The following HVCN1 variants were observed in gnomAD, a reference collection of about 807,000 sequenced individuals.
HVCN1 encodes voltage-gated hydrogen channel 1.
HVCN1 carries 14 observed loss-of-function variants against 29.2 expected under a neutral mutation model. The observed-to-expected ratio is 0.48, with a 90% CI of 0.32 to 0.75. The LOEUF (loss-of-function observed/expected upper bound fraction) is 0.75, where lower values mean the gene tolerates loss of function less well. HVCN1 is among the 30% of genes least tolerant of loss of function. The pLI, the probability that HVCN1 is intolerant of heterozygous loss-of-function variation, is 0.04. For synonymous variants in HVCN1, 131 were observed against 133.2 expected (o/e 0.98, Z 0.11); for missense variants, 263 against 341.8 (o/e 0.77, Z 1.82).
In HVCN1 at chr12:110,661,438, C is replaced by A. The variant is rs760337938; in HGVS notation, c.32G>T (p.Arg11Leu). ...CTCAGCGGGAGCCACCTTGGCCCTG[C>A]GGGTGACTGCCTAGAAGGCGGGGAC... MATWDEKAVT[R>L]RAKVAPAERM... Residue 11 changes from arginine to leucine, a missense_variant, in exon 4 of 8, where the codon CGC becomes CTC. This residue lies in a region of HVCN1 where 157 missense variants were observed against 181.3 expected (regional missense o/e 0.87). Transcript: ENST00000242607. This position sits in a 1 kb window ranked among gnomAD's most constrained non-coding sequence, Gnocchi z 6.2. 3 of 1,613,722 alleles carry A rather than the reference C, an allele frequency of 1.9e-6. No individual in the cohort carries two copies. The highest frequency in any genetic ancestry group is 2.7e-5 in the African/African-American group (2 of 74,934).
chr12:110,668,242 C>T (rs2068439448), intron 3 of HVCN1, among the ~76,000 whole-genome samples: 2 of 152,336 alleles, frequency 1.3e-5, no homozygotes, highest in Admixed American at 6.5e-5. Flanking sequence ...TGACTCACAT[C>T]TGCAATCCCA....
intron 5 of HVCN1, among the ~76,000 whole-genome samples, chr12:110,652,184 C>T (rs965773727): frequency 6.6e-6 from 1 of 152,096 alleles, no homozygotes; most frequent in African/African-American, 2.4e-5. Context: ...ACCTGAGGCC[C>T]GGAGTTTGAG....
rs934972701 is a variant in HVCN1 at position 110,651,109 on chromosome 12, C to T, written c.643+108G>A. ...GGGGGCAGAGGGGAGGCCTCCATAACAGGAGCCACTGTGAGCTCAGGCACC... is the reference window on the plus strand; with the variant it reads ...GGGGGCAGAGGGGAGGCCTCCATAATAGGAGCCACTGTGAGCTCAGGCACC... On this transcript the variant is annotated intron_variant, in intron 6 of 7. Coordinates refer to ENST00000242607, the MANE Select transcript of HVCN1 (RefSeq NM_032369.4). The T allele has an allele frequency of 9.3e-6, 7 of 755,458 alleles. No homozygotes were observed. In the East Asian group the frequency reaches 1.6e-4, roughly 17 times the overall value. 46.8% of individuals were successfully genotyped at this position (755,458 alleles called of 1,614,324 possible).
At position 110,676,451 on chromosome 12, in the gene HVCN1, C is replaced by T. The variant is rs2068754184; in HGVS notation, c.21+6774G>A. On this transcript the variant is annotated intron_variant, in intron 3 of 7. Coordinates refer to ENST00000242607, the MANE Select transcript of HVCN1 (RefSeq NM_032369.4). The surrounding 1 kb of genome is among the most constrained non-coding windows in gnomAD (Gnocchi z 4.1). ...TGGGAATTTGGACTTCTGGAAAATT[C>T]CCGCCATTCCCTGATAAGAGCAGCT... Among the ~76,000 whole-genome samples the T allele has an allele frequency of 6.6e-6, 1 of 152,220 alleles. No individual in the cohort carries two copies. The highest frequency in any genetic ancestry group is 6.5e-5 in the Admixed American group (1 of 15,288).
At chr12:110,682,973 A>C (rs1348767864) in intron 3 of HVCN1, 1 of 436,488 alleles carries the variant, frequency 2.3e-6, no homozygotes, top group Non-Finnish European at 4.1e-6. Flanking sequence ...TCAAAAAAAA[A>C]AAAACAAAAA....
At chr12:110,700,000 C>T (rs898506368) in intron 2 of HVCN1, among the ~76,000 whole-genome samples, 1 of 152,160 alleles carries the variant, frequency 6.6e-6, no homozygotes, top group African/African-American at 2.4e-5. Flanking sequence ...GCATTTCAGG[C>T]AGGAGGACCC....
At chr12:110,691,784 C>A (rs951377067), upstream of HVCN1, among the ~76,000 whole-genome samples, 1 of 152,204 alleles carries the variant, frequency 6.6e-6, no homozygotes, top group Non-Finnish European at 1.5e-5. Flanking sequence ...CTTCCCCCAT[C>A]CCTTCCCCTA....
chr12:110,664,072 G>A (rs926904058), intron 3 of HVCN1, among the ~76,000 whole-genome samples: 5 of 152,058 alleles, frequency 3.3e-5, no homozygotes, highest in African/African-American at 7.2e-5. Context: ...ACACTATAAC[G>A]TGTCTGGCTA....
intron 2 of HVCN1, among the ~76,000 whole-genome samples, chr12:110,686,289 C>G (rs1312260961): frequency 6.6e-6 from 1 of 152,144 alleles, no homozygotes; most frequent in African/African-American, 2.4e-5. Context: ...CAGGCATGAG[C>G]CACCGTGCCT....
intron 3 of HVCN1, among the ~76,000 whole-genome samples, chr12:110,671,612 C>T (rs1453919815): frequency 6.6e-6 from 1 of 152,162 alleles, no homozygotes; most frequent in Non-Finnish European, 1.5e-5. Context: ...AGGGTGTGTG[C>T]CTGAGTTAGC....
At position 110,661,601 on chromosome 12, in the gene HVCN1, T is replaced by C. The variant is rs1043768696; in HGVS notation, c.22-153A>G. Among the ~76,000 whole-genome samples the C allele has an allele frequency of 6.6e-6, 1 of 152,012 alleles. No homozygotes were observed. Among genetic ancestry groups the C allele is most frequent in the Non-Finnish European group, 1.5e-5 (1 of 67,992 alleles). ...ACCATGAGGTCACGGTGGTTTCTCG[T>C]GCTTTTATTTTTGGAATCCAGGGTC... is the stretch of plus-strand genomic sequence containing the variant. On this transcript the variant is annotated intron_variant, in intron 3 of 7. Transcript: ENST00000242607. The surrounding 1 kb of genome is among the most constrained non-coding windows in gnomAD (Gnocchi z 6.2).
intron 2 of HVCN1, among the ~76,000 whole-genome samples, chr12:110,695,181 G>C (rs937613870): frequency 6.6e-6 from 1 of 152,162 alleles, no homozygotes; most frequent in Admixed American, 6.5e-5. Flanking sequence ...GGTTGAAGCA[G>C]GCAGATCACT....
At chr12:110,685,722 C>T (rs779997537) in intron 2 of HVCN1, among the ~76,000 whole-genome samples, 32 of 152,078 alleles carry the variant, frequency 2.1e-4, no homozygotes, top group South Asian at 8.3e-4. Context: ...TGGGGTCTCA[C>T]TCTGTCACCC....
intron 2 of HVCN1, among the ~76,000 whole-genome samples, chr12:110,697,087 C>G (rs1267925484): frequency 6.6e-6 from 1 of 151,844 alleles, no homozygotes; most frequent in Non-Finnish European, 1.5e-5. Flanking sequence ...GTGGTGCCCT[C>G]CATCAAGCAG....
chr12:110,650,536 G>T (rs764386108), intron 6 of HVCN1, among the ~76,000 whole-genome samples: 1 of 152,132 alleles, frequency 6.6e-6, no homozygotes, highest in Non-Finnish European at 1.5e-5. Flanking sequence ...TGAGCATTAG[G>T]ATTCTTAACC....
chr12:110,660,559 T>C, intron 4 of HVCN1, among the ~76,000 whole-genome samples: 1 of 152,218 alleles, frequency 6.6e-6, no homozygotes, highest in Non-Finnish European at 1.5e-5. Flanking sequence ...ATTTATTTTT[T>C]TTGTGTGTGG....
chr12:110,666,798 C>G (rs975780357), intron 3 of HVCN1, among the ~76,000 whole-genome samples: 2 of 152,320 alleles, frequency 1.3e-5, no homozygotes, highest in East Asian at 3.9e-4. Flanking sequence ...TCCCTCACCC[C>G]TAAAACCTAA....
rs903558676 is a variant in HVCN1 at position 110,673,236 on chromosome 12, T to C, written c.21+9989A>G. The stretch of plus-strand genomic sequence containing the variant: ...ACTGGAGTAAAGGTGACTTTTGGCA[T>C]GTTTTAGCAAAGAGCTGGCAGCATT... On this transcript the variant is annotated intron_variant, in intron 3 of 7. Transcript: ENST00000242607. Among the ~76,000 whole-genome samples the C allele has an allele frequency of 2.6e-5, 4 of 152,212 alleles. No homozygotes were observed. In the East Asian group the frequency reaches 7.7e-4, roughly 29 times the overall value.
chr12:110,695,811 A>G (rs1015381277), intron 2 of HVCN1, among the ~76,000 whole-genome samples: 14 of 152,250 alleles, frequency 9.2e-5, no homozygotes, highest in Non-Finnish European at 2.1e-4. Context: ...AAAGGAGGCC[A>G]AGATTGTGGA....
Sources: gnomAD v4.1 joint callset for allele counts (sites outside exome capture counted in the v4.1 genomes callset) on GRCh38, gnomAD v4.1.1 for gene constraint, gnomAD v4.1.1 regional missense constraint, Gnocchi (gnomAD v3.1) non-coding constraint, MANE v1.5 for transcripts, NCBI Gene and HGNC (gene_info 2026-07-23, HGNC 2026-07-21) for gene names.